USP15: variants seen among roughly 807,000 people sequenced by gnomAD.
The protein encoded by USP15 is ubiquitin carboxyl-terminal hydrolase 15.
A neutral mutation model predicts 127.1 loss-of-function variants in USP15; 18 were observed. The ratio of observed to expected loss-of-function variants is 0.14; its 90% CI spans 0.10 to 0.21. The LOEUF is 0.21. Ranked by LOEUF, USP15 falls within the 10% of genes least tolerant of loss-of-function variation. The pLI is 1.00. For synonymous variants in USP15, 364 were observed against 393.7 expected (o/e 0.92, Z 0.89); for missense variants, 805 against 1,159.9 (o/e 0.69, Z 4.44).
At chr12:62,358,351 A>T (rs930602680) in intron 8 of USP15, among the ~76,000 whole-genome samples, 1 of 152,152 alleles carries the variant, frequency 6.6e-6, no homozygotes, top group Non-Finnish European at 1.5e-5. Flanking sequence ...AGATTTTCTG[A>T]TGTAATGGTA....
intron 5 of USP15, among the ~76,000 whole-genome samples, chr12:62,322,419 C>T (rs745798277): frequency 1.5e-4 from 23 of 152,002 alleles, no homozygotes; most frequent in Admixed American, 2.6e-4. Context: ...TACAGGTGTG[C>T]GCCACCGTGC....
chr12:62,312,562 A>G (rs151186635), intron 3 of USP15, among the ~76,000 whole-genome samples: 52 of 151,812 alleles, frequency 3.4e-4, no homozygotes, highest in African/African-American at 1.2e-3. Flanking sequence ...CATTTTGGAC[A>G]AGGAGCCAGA....
In USP15 at chr12:62,405,339, A is replaced by G. The variant is rs771541689; in HGVS notation, c.*964A>G. On this transcript the variant is annotated 3_prime_UTR_variant, in exon 22 of 22. Transcript: ENST00000280377. Reference sequence around the variant, plus strand: ...TTTTTCATATACTGGCCTTTAAATCATTAATGGACAATTGGCTATAAAGGT... The same window carrying G: ...TTTTTCATATACTGGCCTTTAAATCGTTAATGGACAATTGGCTATAAAGGT... 8 of 152,272 alleles carry G rather than the reference A, an allele frequency of 5.3e-5. No homozygotes were observed. The highest frequency in any genetic ancestry group is 1.0e-4 in the Non-Finnish European group (7 of 67,998). 9.4% of individuals were successfully genotyped at this position (152,272 alleles called of 1,614,324 possible).
rs2068101925 is a variant in USP15, at chr12:62,414,195, CAGTA to C, written c.*9823_*9826del. On this transcript the variant is annotated 3_prime_UTR_variant, in exon 22 of 22. Coordinates refer to ENST00000280377, the MANE Select transcript of USP15 (RefSeq NM_001252078.2). ...GAAGTACCAAGATATGACACACACA[CAGTA>C]AGCACATTCTGTTAGGAAAATAACA... The C allele has an allele frequency of 2.0e-5, 3 of 152,294 alleles. No homozygotes were observed. The highest frequency in any genetic ancestry group is 2.4e-5 in the African/African-American group (1 of 41,558). The allele number at this position is 152,294 out of a possible 1,614,324, so 9.4% of individuals were successfully genotyped here. A position where few individuals can be genotyped will look rare whatever the true frequency, so the allele number is the denominator to read the frequency against.
chr12:62,391,903 T>C lies in USP15; in HGVS notation c.2304+17T>C. The C allele has an allele frequency of 6.3e-7, 1 of 1,596,508 alleles. No individual in the cohort carries two copies. Among genetic ancestry groups the C allele is most frequent in the Non-Finnish European group, 8.6e-7 (1 of 1,168,484 alleles). ...GCTGCTGAGGTAAGTCATCACTCACTCACTTATTTACCTTTCCTTGATTTA... is the reference window on the plus strand; with the variant it reads ...GCTGCTGAGGTAAGTCATCACTCACCCACTTATTTACCTTTCCTTGATTTA... On this transcript the variant is annotated intron_variant, in intron 17 of 21. Coordinates refer to ENST00000280377, the MANE Select transcript of USP15 (RefSeq NM_001252078.2).
intron 1 of USP15, among the ~76,000 whole-genome samples, chr12:62,292,772 G>A (rs772076498): frequency 2.9e-4 from 44 of 152,172 alleles, no homozygotes; most frequent in Non-Finnish European, 5.9e-5. Flanking sequence ...GGTTTCCTTT[G>A]TCCCAGAGGC....
intron 8 of USP15, among the ~76,000 whole-genome samples, chr12:62,381,172 A>G (rs1018635896): frequency 1.3e-5 from 2 of 152,140 alleles, no homozygotes; most frequent in Non-Finnish European, 2.9e-5. Flanking sequence ...ATTTCTACCA[A>G]TCAAGTAAAA....
Position 62,407,079 on chromosome 12 carries a change from A to G in USP15, c.*2704A>G, listed in dbSNP as rs557542510. On this transcript the variant is annotated 3_prime_UTR_variant, in exon 22 of 22. Transcript: ENST00000280377. ...CATATGACTTTGAACTTAATCTTTGATAGTGTTTCTTTACCTGTAGAATAA... is the reference window on the plus strand; with the variant it reads ...CATATGACTTTGAACTTAATCTTTGGTAGTGTTTCTTTACCTGTAGAATAA... 104 of 152,334 alleles carry G rather than the reference A, an allele frequency of 6.8e-4. No homozygotes were observed. The highest frequency in any genetic ancestry group is 2.4e-3 in the African/African-American group (99 of 41,568). The allele number at this position is 152,334 out of a possible 1,614,324, so 9.4% of individuals were successfully genotyped here.
chr12:62,381,717 G>T, intron 9 of USP15, 54 bp downstream of exon 9: 1 of 1,556,266 alleles, frequency 6.4e-7, no homozygotes, highest in Non-Finnish European at 8.7e-7. Flanking sequence ...ACAAAAGTTG[G>T]TTCTTGGGGA....
At chr12:62,282,234 G>A (rs761267921) in intron 1 of USP15, among the ~76,000 whole-genome samples, 32 of 152,050 alleles carry the variant, frequency 2.1e-4, no homozygotes, top group Non-Finnish European at 1.6e-4. Flanking sequence ...AGACTGAGGT[G>A]GGAAGATCAC....
intron 8 of USP15, among the ~76,000 whole-genome samples, chr12:62,361,751 T>C (rs541365085): frequency 6.6e-6 from 1 of 152,134 alleles, no homozygotes; most frequent in African/African-American, 2.4e-5. Context: ...TCAGATTTAC[T>C]TCTCTTACTT....
chr12:62,312,342 C>CATAA (rs1192820793), intron 3 of USP15: 1 of 317,636 alleles, frequency 3.1e-6, no homozygotes, highest in Non-Finnish European at 6.6e-6. Flanking sequence ...CATACACAGA[C>CATAA]ATAAAGGGTA....
chr12:62,311,302 A>AT (rs1565842930), intron 3 of USP15, among the ~76,000 whole-genome samples: 1 of 151,926 alleles, frequency 6.6e-6, no homozygotes, highest in Admixed American at 6.6e-5. Context: ...AGACTTAATG[A>AT]ATTAATGGAT....
At chr12:62,305,533 AAAT>A (rs1368558696) in intron 3 of USP15, 2 of 152,174 alleles carry the variant, frequency 1.3e-5, no homozygotes, top group Admixed American at 1.3e-4. Flanking sequence ...AGGCACTACA[AAAT>A]AATCTTAAGA....
chr12:62,398,711 G>A (rs996793350), intron 20 of USP15, among the ~76,000 whole-genome samples: 1 of 152,082 alleles, frequency 6.6e-6, no homozygotes, highest in Non-Finnish European at 1.5e-5. Flanking sequence ...TTCCTTAAAC[G>A]TGTGTATGCT....
At chr12:62,313,827 C>T (rs961980322) in intron 3 of USP15, among the ~76,000 whole-genome samples, 1 of 151,644 alleles carries the variant, frequency 6.6e-6, no homozygotes, top group Non-Finnish European at 1.5e-5. Flanking sequence ...ATAGTAAATA[C>T]TAGATGAACT....
intron 19 of USP15, among the ~76,000 whole-genome samples, chr12:62,394,112 A>C (rs571686577): frequency 2.2e-4 from 34 of 152,326 alleles, no homozygotes; most frequent in Admixed American, 4.6e-4. Context: ...TTCACACTTT[A>C]TCTCTCTTTT....
At chr12:62,381,916 A>C (rs2067001898) in intron 9 of USP15, among the ~76,000 whole-genome samples, 1 of 152,032 alleles carries the variant, frequency 6.6e-6, no homozygotes, top group Admixed American at 6.6e-5. Flanking sequence ...GAATAATGAA[A>C]AAAAGTTGAA....
At chr12:62,294,827 A>T (rs1470227207) in intron 2 of USP15, among the ~76,000 whole-genome samples, 1 of 152,158 alleles carries the variant, frequency 6.6e-6, no homozygotes, top group East Asian at 1.9e-4. Context: ...TATTATGGGT[A>T]AAGGGAACAA....
Sources: allele counts gnomAD v4.1 joint callset (sites outside exome capture counted in the v4.1 genomes callset), GRCh38; gene constraint gnomAD v4.1.1; transcripts MANE v1.5; gene names NCBI Gene and HGNC (gene_info 2026-07-23, HGNC 2026-07-21).